The following CFAP90 variants were observed in gnomAD, a reference collection of about 807,000 sequenced individuals.
CFAP90 encodes the protein cilia and flagella associated protein 90.
the CFAP90 span, chr5:7,835,331 A>G: frequency 1.0e-6 from 1 of 999,474 alleles, no homozygotes; most frequent in Admixed American, 2.1e-5. Context: ...ATGCCTCTAT[A>G]AAGTTTTGTT....
At chr5:7,835,187 A>T in the CFAP90 span, among the ~76,000 whole-genome samples, 1 of 152,244 alleles carries the variant, frequency 6.6e-6, no homozygotes, top group African/African-American at 2.4e-5. Context: ...TGACACAGAG[A>T]TAGGAAGTGA....
chr5:7,841,022 A>T, the CFAP90 span, among the ~76,000 whole-genome samples: 95 of 152,354 alleles, frequency 6.2e-4, no homozygotes, highest in African/African-American at 2.1e-3. Flanking sequence ...AGAGCTCTGC[A>T]CAGCAAAAGA....
At chr5:7,835,302 A>C in the CFAP90 span, 7 of 767,680 alleles carry the variant, frequency 9.1e-6, no homozygotes, top group Non-Finnish European at 1.5e-5. Context: ...TAATAAAGTG[A>C]AGTGTAATAA....
chr5:7,837,458 A>AGG, the CFAP90 span, among the ~76,000 whole-genome samples: 1 of 152,174 alleles, frequency 6.6e-6, no homozygotes, highest in Admixed American at 6.5e-5. Flanking sequence ...GTGATGCTAG[A>AGG]ATGATTCCCT....
At chr5:7,850,928 G>T in the CFAP90 span, 1 of 1,359,040 alleles carries the variant, frequency 7.4e-7, no homozygotes, top group Non-Finnish European at 9.5e-7. Context: ...CGCCGCGGCG[G>T]GATGTAGCTG....
At chr5:7,842,764 C>G in the CFAP90 span, among the ~76,000 whole-genome samples, 1 of 152,092 alleles carries the variant, frequency 6.6e-6, no homozygotes, top group Non-Finnish European at 1.5e-5. Context: ...GTTGGTGCAC[C>G]TATGTTTAAC....
At chr5:7,832,695 C>T in the CFAP90 span, among the ~76,000 whole-genome samples, 1 of 152,122 alleles carries the variant, frequency 6.6e-6, no homozygotes, top group East Asian at 1.9e-4. Flanking sequence ...ACCATGTTGA[C>T]CAGGCTGGTC....
the CFAP90 span, among the ~76,000 whole-genome samples, chr5:7,849,935 G>C: frequency 6.6e-6 from 1 of 151,946 alleles, no homozygotes. Flanking sequence ...CGCCCAGCCC[G>C]CTGGGCGGCC....
chr5:7,851,113 G>A, the CFAP90 span: 1 of 1,216,208 alleles, frequency 8.2e-7, no homozygotes, highest in Non-Finnish European at 1.0e-6. Flanking sequence ...GTTGCTCAGC[G>A]CCAGCGTCTA....
At chr5:7,841,722 G>A in the CFAP90 span, among the ~76,000 whole-genome samples, 43 of 152,182 alleles carry the variant, frequency 2.8e-4, no homozygotes, top group African/African-American at 1.0e-3. Context: ...AATTAACACA[G>A]AAACAGAAAA....
At chr5:7,836,020 CT>C in the CFAP90 span, among the ~76,000 whole-genome samples, 1 of 152,082 alleles carries the variant, frequency 6.6e-6, no homozygotes, top group Non-Finnish European at 1.5e-5. Flanking sequence ...TCCCTGTATC[CT>C]CACATGCTGG....
At chr5:7,833,169 A>G in the CFAP90 span, among the ~76,000 whole-genome samples, 1 of 152,350 alleles carries the variant, frequency 6.6e-6, no homozygotes, top group African/African-American at 2.4e-5. Context: ...GGAACTATAT[A>G]TAATAGTACC....
chr5:7,851,059 C>G, the CFAP90 span: 2 of 1,235,878 alleles, frequency 1.6e-6, no homozygotes, highest in Non-Finnish European at 2.0e-6. Flanking sequence ...GGCCGCGGTC[C>G]GTCCCGCCCG....
At chr5:7,831,661 TCCTAACCCAGCAA>T in the CFAP90 span, 57 of 551,828 alleles carry the variant, frequency 1.0e-4, no homozygotes, top group Non-Finnish European at 1.7e-4. Flanking sequence ...TTGGTCAGGC[TCCTAACCCAGCAA>T]CCTGAGGGGG....
the CFAP90 span, among the ~76,000 whole-genome samples, chr5:7,848,874 T>TG: frequency 3.8e-3 from 583 of 152,312 alleles, 4 homozygotes; most frequent in African/African-American, 0.013. Context: ...CTGCCATGAT[T>TG]ATAAGTTTCC....
the CFAP90 span, among the ~76,000 whole-genome samples, chr5:7,843,602 A>G: frequency 5.9e-5 from 9 of 152,074 alleles, no homozygotes; most frequent in African/African-American, 1.9e-4. Flanking sequence ...GTGATTGTGG[A>G]GTCAATTGTT....
chr5:7,832,061 A>G, the CFAP90 span: 1 of 1,591,334 alleles, frequency 6.3e-7, no homozygotes, highest in Non-Finnish European at 8.6e-7. Flanking sequence ...CATAGTCAGC[A>G]CCACTGCATT....
chr5:7,850,668 C>A, the CFAP90 span, among the ~76,000 whole-genome samples: 1 of 145,104 alleles, frequency 6.9e-6, no homozygotes, highest in East Asian at 2.1e-4. Flanking sequence ...CGCCCCCAGG[C>A]CCCTTTCCCT....
the CFAP90 span, chr5:7,851,131 T>G: frequency 8.3e-7 from 1 of 1,201,700 alleles, no homozygotes; most frequent in Non-Finnish European, 1.0e-6. Context: ...CTAGCCCGCG[T>G]CTGTGTTCGG....
Sources: gnomAD v4.1 joint callset for allele counts (sites outside exome capture counted in the v4.1 genomes callset) on GRCh38, gnomAD v4.1.1 for gene constraint, MANE v1.5 for transcripts, NCBI Gene and HGNC (gene_info 2026-07-23, HGNC 2026-07-21) for gene names.